The following ZFPL1 variants were observed in gnomAD, a reference collection of about 807,000 sequenced individuals.
The protein encoded by ZFPL1 is zinc finger protein-like 1.
Under a neutral mutation model 32.0 loss-of-function variants are expected in ZFPL1, and 28 were observed. The observed-to-expected ratio is 0.87, with a 90% CI of 0.65 to 1.20. The LOEUF (loss-of-function observed/expected upper bound fraction) is 1.20, where lower values mean the gene tolerates loss of function less well. Among genes scored for constraint, ZFPL1 ranks in the 50% most tolerant of loss-of-function variants. ZFPL1 has a pLI of 0.00. For synonymous variants in ZFPL1, 165 were observed against 177.0 expected (o/e 0.93, Z 0.54); for missense variants, 386 against 424.8 (o/e 0.91, Z 0.80).
Position 65,086,800 on chromosome 11 carries a change from G to A in ZFPL1, c.481+8G>A. On this transcript the variant is annotated splice_region_variant and intron_variant, in intron 5 of 7. Transcript: ENST00000294258. ...ACTGGTCTAGTTTTAATGGTAAGTG[G>A]TGGCTTCCACCGACTGTTTGGGCTT... 4 of 1,614,188 alleles carry A rather than the reference G, an allele frequency of 2.5e-6. No homozygotes were observed. Among genetic ancestry groups the A allele is most frequent in the Non-Finnish European group, 3.4e-6 (4 of 1,180,020 alleles).
intron 2 of ZFPL1, 50 bp from the exon 3 acceptor site, chr11:65,085,065 A>G (rs758887943): frequency 1.3e-6 from 2 of 1,558,688 alleles, no homozygotes; most frequent in Non-Finnish European, 8.9e-7. Flanking sequence ...CCTTGGGGTG[A>G]TAGGCCGAGC....
At position 65,087,771 on chromosome 11, in the gene ZFPL1, A is replaced by G. The variant is rs559420305; in HGVS notation, c.747-157A>G. On this transcript the variant is annotated intron_variant, in intron 7 of 7. Transcript: ENST00000294258. ...GTGCGCCTCAGCTGGTTTGAGCTGC[A>G]CAATAACGCCCTATGGTGGCAGGTG... 7 of 779,308 alleles carry G rather than the reference A, an allele frequency of 9.0e-6. No individual in the cohort carries two copies. In the African/African-American group the frequency reaches 1.2e-4, roughly 14 times the overall value. 48.3% of individuals were successfully genotyped at this position (779,308 alleles called of 1,614,324 possible).
At chr11:65,086,311 C>T in intron 3 of ZFPL1, 104 bp from the exon 4 acceptor site, 2 of 1,390,354 alleles carry the variant, frequency 1.4e-6, no homozygotes, top group Middle Eastern at 1.8e-4. Context: ...GGCACACACA[C>T]ATGTGTCCAT....
chr11:65,084,846 G>A lies in ZFPL1; in HGVS notation c.102+46G>A, dbSNP rs182061168. 4.2e-4 allele frequency: 667 copies of A among 1,605,838 alleles called. 7 individuals are homozygous for A. In the East Asian group the frequency reaches 0.014, roughly 33 times the overall value. On this transcript the variant is annotated intron_variant, in intron 2 of 7. Coordinates refer to ENST00000294258, the MANE Select transcript of ZFPL1 (RefSeq NM_006782.4). ...ACTGAGCAGGGCACTGGGTGGGCAA[G>A]GCGGTATTGGCTTCCTCCAAATCCA...
At position 65,087,818 on chromosome 11, in the gene ZFPL1, C is replaced by T. The variant is rs1289421529; in HGVS notation, c.747-110C>T. The T allele has an allele frequency of 5.1e-6, 6 of 1,175,510 alleles. No homozygotes were observed. The African/African-American group carries it at 9.3e-5, about 18-fold the overall frequency. The allele number at this position is 1,175,510 out of a possible 1,614,324, so 72.8% of individuals were successfully genotyped here. A position where few individuals can be genotyped will look rare whatever the true frequency, so the allele number is the denominator to read the frequency against. The stretch of plus-strand genomic sequence containing the variant: ...GGTGCAGGAGTGATCATCCCTGAGG[C>T]ACAGACGAGGAGATGGAGGCTCAGG... On this transcript the variant is annotated intron_variant, in intron 7 of 7. Transcript: ENST00000294258.
At chr11:65,084,589 A>T (rs1947652210) in intron 1 of ZFPL1, 102 bp from the exon 2 acceptor site, 1 of 916,576 alleles carries the variant, frequency 1.1e-6, no homozygotes, top group Admixed American at 2.2e-5. Context: ...CGGGGCGAAT[A>T]TGAGAGGTGT....
chr11:65,086,490 G>C lies in ZFPL1; in HGVS notation c.290G>C (p.Cys97Ser). The C allele has an allele frequency of 1.9e-6, 3 of 1,614,048 alleles. No homozygotes were observed. The highest frequency in any genetic ancestry group is 2.5e-6 in the Non-Finnish European group (3 of 1,180,038). Reference sequence around the variant, plus strand: ...AACACGGCACCTGCCGGCTATCAGTGCCCCAGCTGCAATGGCCCCATCTTC... The same window carrying C: ...AACACGGCACCTGCCGGCTATCAGTCCCCCAGCTGCAATGGCCCCATCTTC... Reference protein sequence around the residue: ...PRNTAPAGYQCPSCNGPIFPP... With the variant: ...PRNTAPAGYQSPSCNGPIFPP... The change falls in exon 4 of 8, where the codon TGC becomes TCC. Residue 97 changes from cysteine to serine, a missense_variant. Coordinates refer to ENST00000294258, the MANE Select transcript of ZFPL1 (RefSeq NM_006782.4).
At position 65,088,002 on chromosome 11, in the gene ZFPL1, T is replaced by C. The variant is rs761130149; in HGVS notation, c.821T>C (p.Leu274Pro). 55 of 1,602,004 alleles carry C rather than the reference T, an allele frequency of 3.4e-5. No individual in the cohort carries two copies. Among genetic ancestry groups the C allele is most frequent in the Admixed American group, 8.8e-5 (5 of 56,888 alleles). ...GGGCTGCTGCTACTCTTGGGACTGC[T>C]GGGCTTCCTGGCCCTCCTTGCCCTC... ...RAGLLLLLGL[L>P]GFLALLALMS... The change falls in exon 8 of 8, where the codon CTG becomes CCG. Residue 274 changes from leucine to proline, a missense_variant. Leu to Pro is a moderately conservative substitution (Grantham distance 98). Coordinates refer to ENST00000294258, the MANE Select transcript of ZFPL1 (RefSeq NM_006782.4).
rs753948552 is a variant in ZFPL1 at position 65,086,476 on chromosome 11, T to C, written c.276T>C (p.Pro92=). Residue 92 remains proline (P), a synonymous_variant, in exon 4 of 8, where the codon CCT becomes CCC. Transcript: ENST00000294258. The stretch of plus-strand genomic sequence containing the variant: ...CCCAGCTACCCCGAAACACGGCACC[T>C]GCCGGCTATCAGTGCCCCAGCTGCA... ...RAAQLPRNTA[P]AGYQCPSCNG... 3 of 1,614,104 alleles carry C rather than the reference T, an allele frequency of 1.9e-6. No homozygotes were observed. The highest frequency in any genetic ancestry group is 1.7e-6 in the Non-Finnish European group (2 of 1,180,036).
In ZFPL1 at chr11:65,087,969, A is replaced by T. The variant is rs757072168; in HGVS notation, c.788A>T (p.Gln263Leu). Reference sequence around the variant, plus strand: ...CGGAAGCGGCCGCTGACCCTGCTCCAGCGGGCGGGGCTGCTGCTACTCTTG... The same window carrying T: ...CGGAAGCGGCCGCTGACCCTGCTCCTGCGGGCGGGGCTGCTGCTACTCTTG... Reference protein sequence around the residue: ...GSRKRPLTLLQRAGLLLLLGL... With the variant: ...GSRKRPLTLLLRAGLLLLLGL... Residue 263 changes from glutamine (Q) to leucine (L), a missense_variant, in exon 8 of 8, where the codon CAG (glutamine) becomes CTG (leucine). Transcript: ENST00000294258. 5 of 1,581,506 alleles carry T rather than the reference A, an allele frequency of 3.2e-6. No individual in the cohort carries two copies. The highest frequency in any genetic ancestry group is 4.3e-6 in the Non-Finnish European group (5 of 1,172,402).
In ZFPL1 at chr11:65,087,392, C is replaced by T; in HGVS notation, c.705C>T (p.Tyr235=). 6.2e-7 allele frequency: 1 copy of T among 1,614,072 alleles called. No homozygotes were observed. The highest frequency in any genetic ancestry group is 8.5e-7 in the Non-Finnish European group (1 of 1,179,998). Residue 235 remains tyrosine, a synonymous_variant, in exon 7 of 8, where the codon TAC becomes TAT. Coordinates refer to ENST00000294258, the MANE Select transcript of ZFPL1 (RefSeq NM_006782.4). ...ATGGAGACTGTGACGATGACAAGTA[C>T]CGACGTCGGCCGGCCTTGGGTTGGC... is the stretch of plus-strand genomic sequence containing the variant. ...GLHGDCDDDK[Y]RRRPALGWLA... is the part of the protein sequence containing the mutation.
chr11:65,084,258 G>A lies in ZFPL1; in HGVS notation c.-129G>A. The stretch of plus-strand genomic sequence containing the variant: ...AGCGGAGGGATAATCGGGGCGGCCG[G>A]GGCTGAAGGGAGAGGCGCAGGAGCC... On this transcript the variant is annotated 5_prime_UTR_variant, in exon 1 of 8. Transcript: ENST00000294258. The A allele has an allele frequency of 1.8e-6, 1 of 569,184 alleles. No homozygotes were observed. Among genetic ancestry groups the A allele is most frequent in the East Asian group, 3.1e-5 (1 of 32,728 alleles). The allele number at this position is 569,184 out of a possible 1,614,324, so 35.3% of individuals were successfully genotyped here. A position where few individuals can be genotyped will look rare whatever the true frequency, so the allele number is the denominator to read the frequency against.
At chr11:65,085,056 C>G in intron 2 of ZFPL1, 59 bp from the exon 3 acceptor site, 1 of 1,519,772 alleles carries the variant, frequency 6.6e-7, no homozygotes, top group South Asian at 1.1e-5. Context: ...ACAGTCGGAC[C>G]TTGGGGTGAT....
Position 65,087,983 on chromosome 11 carries a change from C to G in ZFPL1, c.802C>G (p.Leu268Val). The change falls in exon 8 of 8, where the codon CTG becomes GTG. Residue 268 changes from leucine (L) to valine (V), a missense_variant. Transcript: ENST00000294258. ...PLTLLQRAGL[L>V]LLLGLLGFLA... Reference sequence around the variant, plus strand: ...GACCCTGCTCCAGCGGGCGGGGCTGCTGCTACTCTTGGGACTGCTGGGCTT... The same window carrying G: ...GACCCTGCTCCAGCGGGCGGGGCTGGTGCTACTCTTGGGACTGCTGGGCTT... 1 of 1,593,670 alleles carries G rather than the reference C, an allele frequency of 6.3e-7. No individual in the cohort carries two copies. The highest frequency in any genetic ancestry group is 8.5e-7 in the Non-Finnish European group (1 of 1,175,524).
At chr11:65,085,985 T>TGGTG in intron 3 of ZFPL1, 3 of 231,586 alleles carry the variant, frequency 1.3e-5, no homozygotes, top group South Asian at 5.3e-5. Context: ...ATATAGGGAA[T>TGGTG]GCCACTTGTG....
intron 3 of ZFPL1, chr11:65,085,504 T>G (rs1565297516): frequency 2.0e-6 from 1 of 493,714 alleles, no homozygotes; most frequent in African/African-American, 1.9e-5. Flanking sequence ...CAGTCAAGCT[T>G]ACGGGTATGC....
intron 3 of ZFPL1, 107 bp downstream of exon 3, chr11:65,085,333 A>C (rs1947666226): frequency 1.0e-6 from 1 of 972,154 alleles, no homozygotes; most frequent in Non-Finnish European, 1.6e-6. Context: ...CCCGAGTCTC[A>C]GAGCCCAGAT....
In ZFPL1 at chr11:65,084,375, T is replaced by G. The variant is rs1590803695; in HGVS notation, c.-12T>G. On this transcript the variant is annotated 5_prime_UTR_variant, in exon 1 of 8. Coordinates refer to ENST00000294258, the MANE Select transcript of ZFPL1 (RefSeq NM_006782.4). The stretch of plus-strand genomic sequence containing the variant: ...GCGGCCGATCAGTAAACACAGAGAC[T>G]GGGGTCTGTAGAGAAGGGGCGGGAC... 28 of 330,056 alleles carry G rather than the reference T, an allele frequency of 8.5e-5. 1 individual carries two copies. The highest frequency in any genetic ancestry group is 7.1e-4 in the South Asian group (27 of 37,796). The allele number at this position is 330,056 out of a possible 1,614,324, so 20.4% of individuals were successfully genotyped here.
intron 7 of ZFPL1, 132 bp from the exon 8 acceptor site, chr11:65,087,796 G>T: frequency 3.2e-6 from 3 of 945,696 alleles, no homozygotes; most frequent in South Asian, 1.7e-5. Flanking sequence ...GGTGGCAGGT[G>T]CAGGAGTGAT....
Sources: allele counts gnomAD v4.1 joint callset, GRCh38; gene constraint gnomAD v4.1.1; transcripts MANE v1.5; gene names NCBI Gene and HGNC (gene_info 2026-07-23, HGNC 2026-07-21).